The following ADARB2 variants were observed in gnomAD, a reference collection of about 807,000 sequenced individuals.
ADARB2 encodes inactive double-stranded RNA-specific editase B2.
ADARB2 carries 25 observed loss-of-function variants against 62.2 expected under a neutral mutation model. That is an observed-to-expected ratio of 0.40 (90% CI 0.29 to 0.56). The LOEUF is 0.56. Ranked by LOEUF, ADARB2 falls within the 20% of genes least tolerant of loss-of-function variation. The probability of loss-of-function intolerance (pLI) is 0.43; values close to 1 mark genes in which losing one functional copy is unlikely to be tolerated. For synonymous variants in ADARB2, 572 were observed against 500.8 expected (o/e 1.14, Z -1.90); for missense variants, 1,071 against 1,077.4 (o/e 0.99, Z 0.08).
At chr10:1,467,987 G>A (rs2131914495) in intron 1 of ADARB2, among the ~76,000 whole-genome samples, 1 of 152,256 alleles carries the variant, frequency 6.6e-6, no homozygotes, top group African/African-American at 2.4e-5. Flanking sequence ...TAATTATAGT[G>A]GAATCAAAAG....
chr10:1,375,955 A>G (rs1479756147), intron 2 of ADARB2, among the ~76,000 whole-genome samples: 1 of 31,420 alleles, frequency 3.2e-5, no homozygotes, highest in African/African-American at 3.7e-5. Flanking sequence ...CACCACACAC[A>G]TGCACACACA....
chr10:1,476,560 C>T (rs1017030485), intron 1 of ADARB2, among the ~76,000 whole-genome samples: 1 of 152,194 alleles, frequency 6.6e-6, no homozygotes, highest in Non-Finnish European at 1.5e-5. Flanking sequence ...TGCTCTGCTT[C>T]CATGGAAACG....
At chr10:1,205,477 G>A (rs1589150840) in intron 7 of ADARB2, among the ~76,000 whole-genome samples, 1 of 152,104 alleles carries the variant, frequency 6.6e-6, no homozygotes, top group East Asian at 1.9e-4. Flanking sequence ...ACAGCCTGAG[G>A]GGTCTCTGGG....
intron 1 of ADARB2, among the ~76,000 whole-genome samples, chr10:1,581,210 C>T (rs1020100603): frequency 2.6e-5 from 4 of 152,222 alleles, no homozygotes; most frequent in Admixed American, 6.5e-5. Flanking sequence ...AGTCCTCAAA[C>T]GATGTTCAAG....
intron 1 of ADARB2, among the ~76,000 whole-genome samples, chr10:1,699,613 C>T (rs1321855502): frequency 7.8e-6 from 1 of 128,872 alleles, no homozygotes; most frequent in African/African-American, 3.1e-5. Context: ...ACCAGGCGCT[C>T]GCCAATACAC....
intron 1 of ADARB2, among the ~76,000 whole-genome samples, chr10:1,444,345 TCACCCATCC>T: frequency 1.8e-4 from 1 of 5,454 alleles, no homozygotes; most frequent in South Asian, 0.013. Flanking sequence ...AGCCATCCAC[TCACCCATCC>T]ACTCACCCAT....
At chr10:1,281,452 T>C (rs1278180829) in intron 3 of ADARB2, among the ~76,000 whole-genome samples, 1 of 152,258 alleles carries the variant, frequency 6.6e-6, no homozygotes, top group Non-Finnish European at 1.5e-5. Flanking sequence ...CACCATGCGC[T>C]TATATGCTTT....
At chr10:1,561,798 G>A (rs1564331209) in intron 1 of ADARB2, among the ~76,000 whole-genome samples, 1 of 152,132 alleles carries the variant, frequency 6.6e-6, no homozygotes, top group Non-Finnish European at 1.5e-5. Flanking sequence ...GGATCCTCCC[G>A]ATGTGGCCTA....
intron 3 of ADARB2, among the ~76,000 whole-genome samples, chr10:1,315,345 G>A (rs959597933): frequency 6.6e-6 from 1 of 152,182 alleles, no homozygotes; most frequent in Non-Finnish European, 1.5e-5. Context: ...TTCATTGATT[G>A]CTGCTGGGGC....
chr10:1,462,175 C>T (rs142252910), intron 1 of ADARB2, among the ~76,000 whole-genome samples: 1 of 152,252 alleles, frequency 6.6e-6, no homozygotes, highest in East Asian at 1.9e-4. Context: ...CCCCAGGCCC[C>T]CTGAGCACCC....
chr10:1,453,685 G>C (rs370111151), intron 1 of ADARB2, among the ~76,000 whole-genome samples: 1 of 152,052 alleles, frequency 6.6e-6, no homozygotes, highest in Non-Finnish European at 1.5e-5. Context: ...TAAAAAATAG[G>C]CACAAGACTT....
intron 1 of ADARB2, among the ~76,000 whole-genome samples, chr10:1,655,454 G>GT (rs754154275): frequency 4.6e-5 from 7 of 152,164 alleles, no homozygotes; most frequent in Admixed American, 2.0e-4. Context: ...TCCATCAGAG[G>GT]TAAAAACTGC....
Position 1,379,150 on chromosome 10 carries a change from G to T in ADARB2, c.111C>A (p.Ser37Arg). ...RRRSKRKDKVSILSTFLAPFK... is the reference protein window; with the variant it reads ...RRRSKRKDKVRILSTFLAPFK... Reference sequence around the variant, plus strand: ...AAGGAGCGAGGAAGGTTGACAATATGCTTACTTTATCTGGAAAGAAAAGAA... The same window carrying T: ...AAGGAGCGAGGAAGGTTGACAATATTCTTACTTTATCTGGAAAGAAAAGAA... The change falls in exon 2 of 10, where the codon AGC becomes AGA. Residue 37 changes from serine (S) to arginine (R), a missense_variant. Coordinates refer to ENST00000381312, the MANE Select transcript of ADARB2 (RefSeq NM_018702.4). The T allele has an allele frequency of 6.2e-7, 1 of 1,612,240 alleles. No individual in the cohort carries two copies. Among genetic ancestry groups the T allele is most frequent in the Non-Finnish European group, 8.5e-7 (1 of 1,178,390 alleles).
rs79753258 is a variant in ADARB2, at chr10:1,521,169, C to T, written c.101-142009G>A. ...AAAAACTCTGTATTAGTCGTAGAAACTGCATGTTTAAAAGCTGCCACAAGT... is the reference window on the plus strand; with the variant it reads ...AAAAACTCTGTATTAGTCGTAGAAATTGCATGTTTAAAAGCTGCCACAAGT... On this transcript the variant is annotated intron_variant, in intron 1 of 9. Transcript: ENST00000381312. Among the ~76,000 whole-genome samples the T allele has an allele frequency of 2.6e-3, 402 of 152,226 alleles. 4 individuals are homozygous for T. The highest frequency in any genetic ancestry group is 9.1e-3 in the African/African-American group (380 of 41,534).
intron 1 of ADARB2, among the ~76,000 whole-genome samples, chr10:1,481,218 A>T (rs189312964): frequency 6.6e-6 from 1 of 152,260 alleles, no homozygotes; most frequent in African/African-American, 2.4e-5. Flanking sequence ...TGCAGAAAGG[A>T]TAGTCTTTTC....
intron 1 of ADARB2, among the ~76,000 whole-genome samples, chr10:1,600,461 G>C (rs1376003187): frequency 6.6e-6 from 1 of 152,070 alleles, no homozygotes; most frequent in Non-Finnish European, 1.5e-5. Context: ...AGGAGTTTGA[G>C]ACCAGCCTGG....
chr10:1,694,782 A>G (rs932843142), intron 1 of ADARB2, among the ~76,000 whole-genome samples: 14 of 152,214 alleles, frequency 9.2e-5, no homozygotes, highest in Admixed American at 3.9e-4. Context: ...GGACAGGCTC[A>G]GAGCCGAGGG....
chr10:1,282,441 A>C (rs1221297096), intron 3 of ADARB2, among the ~76,000 whole-genome samples: 1 of 152,240 alleles, frequency 6.6e-6, no homozygotes, highest in Non-Finnish European at 1.5e-5. Flanking sequence ...ACATGATTGC[A>C]GCTCTATGTA....
chr10:1,627,717 C>A (rs1015033522), intron 1 of ADARB2, among the ~76,000 whole-genome samples: 1 of 152,236 alleles, frequency 6.6e-6, no homozygotes, highest in Non-Finnish European at 1.5e-5. Context: ...TCTGGCTTTT[C>A]TCTCTCTACA....
Sources: allele counts gnomAD v4.1 joint callset (sites outside exome capture counted in the v4.1 genomes callset), GRCh38; gene constraint gnomAD v4.1.1; transcripts MANE v1.5; gene names NCBI Gene and HGNC (gene_info 2026-07-23, HGNC 2026-07-21).